G3BP2: variants seen among roughly 807,000 people sequenced by gnomAD.
The protein encoded by G3BP2 is G3BP stress granule assembly factor 2, also known as ras GTPase-activating protein-binding protein 2.
G3BP2 carries 11 observed loss-of-function variants against 56.7 expected under a neutral mutation model. The observed-to-expected ratio is 0.19, with a 90% CI of 0.12 to 0.32. The LOEUF is 0.32. Among genes scored for constraint, G3BP2 ranks in the 10% least tolerant of loss-of-function variants. The pLI is 1.00. For missense variants in G3BP2, 340 were observed against 610.9 expected (o/e 0.56, Z 4.67); for synonymous variants, 165 against 191.6 (o/e 0.86, Z 1.15).
At chr4:75,711,098 T>A (rs562392549) in intron 3 of G3BP2, among the ~76,000 whole-genome samples, 1 of 152,148 alleles carries the variant, frequency 6.6e-6, no homozygotes, top group Non-Finnish European at 1.5e-5. Flanking sequence ...GACGGACAGA[T>A]CACCTGAGGT....
At chr4:75,709,451 G>GA (rs1167105557) in intron 3 of G3BP2, among the ~76,000 whole-genome samples, 1 of 126,654 alleles carries the variant, frequency 7.9e-6, no homozygotes, top group Non-Finnish European at 1.6e-5. Context: ...AACCTACTAC[G>GA]AAAAAAACCG....
chr4:75,653,234 T>A (rs997367540), intron 8 of G3BP2, among the ~76,000 whole-genome samples: 3 of 152,162 alleles, frequency 2.0e-5, no homozygotes, highest in African/African-American at 7.2e-5. Context: ...AAAAGATACA[T>A]TTATATACTA....
At chr4:75,667,657 A>G (rs562923588) in intron 1 of G3BP2, among the ~76,000 whole-genome samples, 1 of 152,252 alleles carries the variant, frequency 6.6e-6, no homozygotes, top group East Asian at 1.9e-4. Context: ...TTGGGAGGCA[A>G]TGGCAGGAGG....
chr4:75,719,841 G>A (rs143189079), intron 3 of G3BP2, among the ~76,000 whole-genome samples: 2,062 of 151,810 alleles, frequency 0.014, 41 homozygotes, highest in African/African-American at 0.047. Context: ...CACCCGCCTC[G>A]GCCTCCCAAA....
chr4:75,654,145 A>C, intron 7 of G3BP2, 64 bp from the exon 8 acceptor site: 1 of 771,436 alleles, frequency 1.3e-6, no homozygotes. Context: ...CCTATAGGGA[A>C]ACTTCCAAAT....
intron 3 of G3BP2, among the ~76,000 whole-genome samples, chr4:75,679,265 A>G (rs1197117082): frequency 6.6e-6 from 1 of 152,270 alleles, no homozygotes; most frequent in African/African-American, 2.4e-5. Flanking sequence ...GATCCTTTAC[A>G]AAGCTTTTTA....
At chr4:75,666,086 T>C (rs891494283) in intron 1 of G3BP2, among the ~76,000 whole-genome samples, 3 of 152,184 alleles carry the variant, frequency 2.0e-5, no homozygotes, top group East Asian at 1.9e-4. Flanking sequence ...AAATGGTACA[T>C]AATACATATA....
intron 3 of G3BP2, among the ~76,000 whole-genome samples, chr4:75,681,917 T>C (rs1734089340): frequency 6.6e-6 from 1 of 151,304 alleles, no homozygotes. Flanking sequence ...GGGGCCATTA[T>C]TAAGTAAAGT....
chr4:75,688,240 A>G (rs978086420), intron 3 of G3BP2, among the ~76,000 whole-genome samples: 2 of 151,520 alleles, frequency 1.3e-5, no homozygotes, highest in African/African-American at 4.9e-5. Context: ...ATGGGGTTTT[A>G]CCATGTTAAC....
intron 4 of G3BP2, among the ~76,000 whole-genome samples, 185 bp downstream of exon 4, chr4:75,657,372 T>C (rs1485429309): frequency 6.6e-6 from 1 of 152,248 alleles, no homozygotes; most frequent in African/African-American, 2.4e-5. Flanking sequence ...CTTGTATCAG[T>C]ATTTGATTTT....
intron 3 of G3BP2, chr4:75,695,077 G>T: frequency 4.2e-6 from 1 of 240,484 alleles, no homozygotes; most frequent in Non-Finnish European, 6.7e-6. Flanking sequence ...TGATGGGCTT[G>T]GGAAAAAACA....
chr4:75,673,256 C>G lies in G3BP2; in HGVS notation c.-73G>C, dbSNP rs1455679766. 20 of 1,222,934 alleles carry G rather than the reference C, an allele frequency of 1.6e-5. No homozygotes were observed. In the East Asian group the frequency reaches 6.4e-4, roughly 39 times the overall value. The allele number at this position is 1,222,934 out of a possible 1,614,324, so 75.8% of individuals were successfully genotyped here. Reference sequence around the variant, plus strand: ...TACGTCGCGCGGAGGTCAGAAGAGTCGCTGAGGACCGGGTGCGGCGGGTTC... The same window carrying G: ...TACGTCGCGCGGAGGTCAGAAGAGTGGCTGAGGACCGGGTGCGGCGGGTTC... On this transcript the variant is annotated 5_prime_UTR_variant, in exon 1 of 12. Transcript: ENST00000359707.
chr4:75,667,097 G>A (rs1259064299), intron 1 of G3BP2, among the ~76,000 whole-genome samples: 1 of 152,022 alleles, frequency 6.6e-6, no homozygotes, highest in Non-Finnish European at 1.5e-5. Context: ...GACCAGCCCA[G>A]GCAACATGGC....
intron 1 of G3BP2, chr4:75,670,295 T>C (rs1733384009): frequency 6.6e-6 from 1 of 152,230 alleles, no homozygotes; most frequent in Non-Finnish European, 1.5e-5. Flanking sequence ...ATATTAATAC[T>C]GGAACTTTCT....
chr4:75,645,711 A>T lies in G3BP2; in HGVS notation c.1177-9T>A. ...CCTCGAAACATAATCGGCTTTATAAAAGAGAAGAAAAATATTTACATGGGC... is the reference window on the plus strand; with the variant it reads ...CCTCGAAACATAATCGGCTTTATAATAGAGAAGAAAAATATTTACATGGGC... On this transcript the variant is annotated splice_polypyrimidine_tract_variant and intron_variant, in intron 11 of 11. Coordinates refer to ENST00000359707, the MANE Select transcript of G3BP2 (RefSeq NM_203505.3). The T allele has an allele frequency of 6.2e-7, 1 of 1,611,550 alleles. No homozygotes were observed. The highest frequency in any genetic ancestry group is 8.5e-7 in the Non-Finnish European group (1 of 1,178,486).
At chr4:75,718,400 A>T (rs569378922) in intron 3 of G3BP2, among the ~76,000 whole-genome samples, 1 of 152,310 alleles carries the variant, frequency 6.6e-6, no homozygotes, top group African/African-American at 2.4e-5. Flanking sequence ...ATGTAACATG[A>T]TCTTTTGAAT....
Position 75,655,872 on chromosome 4 carries a change from T to A in G3BP2, c.443-2A>T. On this transcript the variant is annotated splice_acceptor_variant, in intron 5 of 11. Coordinates refer to ENST00000359707, the MANE Select transcript of G3BP2 (RefSeq NM_203505.3). LOFTEE classifies it high-confidence loss of function. Reference sequence around the variant, plus strand: ...CCTCTTCTACTTCATCTTCTGATTCTGAAAATACATAATACAGCACATCTT... The same window carrying A: ...CCTCTTCTACTTCATCTTCTGATTCAGAAAATACATAATACAGCACATCTT... 1 of 1,386,082 alleles carries A rather than the reference T, an allele frequency of 7.2e-7. No homozygotes were observed. Among genetic ancestry groups the A allele is most frequent in the Non-Finnish European group, 1.0e-6 (1 of 972,112 alleles). 85.9% of individuals were successfully genotyped at this position (1,386,082 alleles called of 1,614,324 possible).
intron 3 of G3BP2, among the ~76,000 whole-genome samples, chr4:75,684,364 C>T (rs1718480857): frequency 6.6e-6 from 1 of 151,792 alleles, no homozygotes; most frequent in Non-Finnish European, 1.5e-5. Context: ...AAGATCACAC[C>T]ACTGCACTCT....
intron 3 of G3BP2, among the ~76,000 whole-genome samples, chr4:75,699,744 A>G (rs1719264971): frequency 6.6e-6 from 1 of 152,174 alleles, no homozygotes; most frequent in Non-Finnish European, 1.5e-5. Flanking sequence ...GTTGTTTTTC[A>G]GAAGGATTTC....
Sources: allele counts gnomAD v4.1 joint callset (sites outside exome capture counted in the v4.1 genomes callset), GRCh38; gene constraint gnomAD v4.1.1; transcripts MANE v1.5; gene names NCBI Gene and HGNC (gene_info 2026-07-23, HGNC 2026-07-21).